The following SLC6A11 variants were observed in gnomAD, a reference collection of about 807,000 sequenced individuals.
The protein encoded by SLC6A11 is sodium- and chloride-dependent GABA transporter 3.
SLC6A11 carries 25 observed loss-of-function variants against 74.8 expected under a neutral mutation model. The observed-to-expected ratio is 0.33, with a 90% CI of 0.24 to 0.47. The LOEUF is 0.47. Among genes scored for constraint, SLC6A11 ranks in the 20% least tolerant of loss-of-function variants. The probability of loss-of-function intolerance (pLI) is 1.00; values close to 1 mark genes in which losing one functional copy is unlikely to be tolerated. For synonymous variants in SLC6A11, 330 were observed against 330.2 expected, an observed-to-expected ratio of 1.00 and a Z score of 0.01; for missense variants, 574 against 837.0, an observed-to-expected ratio of 0.69 and a Z score of 3.88.
intron 4 of SLC6A11, 88 bp from the exon 5 acceptor site, chr3:10,844,126 T>C: frequency 6.6e-7 from 1 of 1,520,478 alleles, no homozygotes; most frequent in Non-Finnish European, 9.0e-7. Context: ...AATGAGCACA[T>C]GGGCCCATCC....
chr3:10,894,520 G>A (rs1335150017), intron 6 of SLC6A11, among the ~76,000 whole-genome samples: 2 of 152,204 alleles, frequency 1.3e-5, no homozygotes, highest in Non-Finnish European at 2.9e-5. Flanking sequence ...ACGAAAGTGA[G>A]CAGCAGCCAG....
At chr3:10,825,180 C>CACAAAAAAAA (rs1694192060) in intron 4 of SLC6A11, 1 of 120,824 alleles carries the variant, frequency 8.3e-6, no homozygotes, top group African/African-American at 2.9e-5. Context: ...GAGACTGTCT[C>CACAAAAAAAA]AAAAAAAAAA....
At chr3:10,858,077 T>C (rs1694659382) in intron 5 of SLC6A11, among the ~76,000 whole-genome samples, 1 of 152,226 alleles carries the variant, frequency 6.6e-6, no homozygotes, top group Non-Finnish European at 1.5e-5. Flanking sequence ...TATGTTATTA[T>C]AGAATCACCA....
At position 10,918,664 on chromosome 3, in the gene SLC6A11, C is replaced by T. The variant is rs531719981; in HGVS notation, c.1120+211C>T. 3.0e-4 allele frequency among the ~76,000 whole-genome samples: 45 copies of T among 151,986 alleles called. No individual in the cohort carries two copies. Among genetic ancestry groups the T allele is most frequent in the South Asian group, 2.1e-4 (1 of 4,796 alleles). On this transcript the variant is annotated intron_variant, in intron 8 of 13. Transcript: ENST00000254488. This position sits in a 1 kb window ranked among gnomAD's most constrained non-coding sequence, Gnocchi z 4.5. The stretch of plus-strand genomic sequence containing the variant: ...CTCCCTCCCAAATCCAAGGCATCCC[C>T]GAGTTTTGTAGATGCTGTTGCCCAC...
In SLC6A11 at chr3:10,921,774, A is replaced by G. The variant is rs2106631193; in HGVS notation, c.1120+3321A>G. Among the ~76,000 whole-genome samples the G allele has an allele frequency of 2.6e-5, 4 of 152,344 alleles. 2 individuals are homozygous for G. Among genetic ancestry groups the G allele is most frequent in the Admixed American group, 2.6e-4 (4 of 15,308 alleles). ...CTTTGAAGACACAGATAAAGTATAA[A>G]AGAATGGGAAAAGATATACCATTCA... On this transcript the variant is annotated intron_variant, in intron 8 of 13. Coordinates refer to ENST00000254488, the MANE Select transcript of SLC6A11 (RefSeq NM_014229.3).
chr3:10,887,547 G>C (rs2106613449), intron 6 of SLC6A11, among the ~76,000 whole-genome samples: 1 of 152,264 alleles, frequency 6.6e-6, no homozygotes, highest in South Asian at 2.1e-4. Context: ...CCGGGTTCAA[G>C]TGATTCTCCT....
intron 4 of SLC6A11, among the ~76,000 whole-genome samples, chr3:10,833,452 C>T (rs1214947803): frequency 6.6e-6 from 1 of 152,152 alleles, no homozygotes; most frequent in African/African-American, 2.4e-5. Context: ...GGCTCCTTGC[C>T]CAGAACACCT....
rs141882374 is a variant in SLC6A11, at chr3:10,936,456, C to T, written c.1746+1257C>T. On this transcript the variant is annotated intron_variant, in intron 13 of 13. Coordinates refer to ENST00000254488, the MANE Select transcript of SLC6A11 (RefSeq NM_014229.3). Reference sequence around the variant, plus strand: ...GAGTTGAACTTGGCCACCCAGGAGGCGATGGGGAGTGGGGGTATGCAGAGC... The same window carrying T: ...GAGTTGAACTTGGCCACCCAGGAGGTGATGGGGAGTGGGGGTATGCAGAGC... Among the ~76,000 whole-genome samples, 11 of 152,288 alleles carry T rather than the reference C, an allele frequency of 7.2e-5. No individual in the cohort carries two copies. In the East Asian group the frequency reaches 1.7e-3, roughly 24 times the overall value.
At chr3:10,924,162 AGAATATGAATAAGCT>A (rs1695571512) in intron 8 of SLC6A11, among the ~76,000 whole-genome samples, 1 of 152,224 alleles carries the variant, frequency 6.6e-6, no homozygotes, top group Admixed American at 6.5e-5. Context: ...AAAAACTGGC[AGAATATGAATAAGCT>A]CTGTGGCGTA....
chr3:10,855,452 A>T (rs1694627771), intron 5 of SLC6A11, among the ~76,000 whole-genome samples: 1 of 152,046 alleles, frequency 6.6e-6, no homozygotes, highest in Non-Finnish European at 1.5e-5. Context: ...GCCTTCCCTG[A>T]CTTCTCCCAC....
At chr3:10,819,638 G>T (rs776697935) in intron 2 of SLC6A11, 39 bp downstream of exon 2, 1 of 1,609,492 alleles carries the variant, frequency 6.2e-7, no homozygotes, top group Admixed American at 1.7e-5. Flanking sequence ...ATTTTGCCCA[G>T]GGAATGTCAA....
At chr3:10,858,703 G>A (rs548673577) in intron 5 of SLC6A11, among the ~76,000 whole-genome samples, 2 of 152,332 alleles carry the variant, frequency 1.3e-5, no homozygotes, top group South Asian at 4.1e-4. Context: ...GGGACTGGAA[G>A]CCCCTCTGTT....
intron 4 of SLC6A11, among the ~76,000 whole-genome samples, chr3:10,842,567 C>T (rs981552962): frequency 2.6e-5 from 4 of 152,228 alleles, no homozygotes; most frequent in Admixed American, 1.3e-4. Flanking sequence ...AATAAAATGA[C>T]AGTTGTTACT....
intron 6 of SLC6A11, among the ~76,000 whole-genome samples, chr3:10,880,808 A>G (rs1559569726): frequency 6.6e-6 from 1 of 152,172 alleles, no homozygotes; most frequent in Non-Finnish European, 1.5e-5. Context: ...ATCTATCACC[A>G]GAGCCCAGCA....
At chr3:10,878,649 G>A (rs1370168735) in intron 6 of SLC6A11, among the ~76,000 whole-genome samples, 1 of 150,328 alleles carries the variant, frequency 6.7e-6, no homozygotes, top group African/African-American at 2.5e-5. Flanking sequence ...TCCTGACCTC[G>A]TGATCCACCC....
chr3:10,860,335 A>G (rs533765117), intron 5 of SLC6A11, among the ~76,000 whole-genome samples: 1 of 152,340 alleles, frequency 6.6e-6, no homozygotes, highest in East Asian at 1.9e-4. Context: ...TGCAGCTGCC[A>G]TGTGGGAGCC....
chr3:10,848,334 G>C (rs578131678), intron 5 of SLC6A11, among the ~76,000 whole-genome samples: 1 of 152,360 alleles, frequency 6.6e-6, no homozygotes. Context: ...CAGAGGTGAA[G>C]TCCAGGAAGC....
Position 10,863,851 on chromosome 3 carries a change from C to T in SLC6A11, c.757-11110C>T, listed in dbSNP as rs140772116. Among the ~76,000 whole-genome samples the T allele has an allele frequency of 1.1e-3, 170 of 152,220 alleles. 1 individual carries two copies. The highest frequency in any genetic ancestry group is 3.9e-3 in the African/African-American group (164 of 41,534). On this transcript the variant is annotated intron_variant, in intron 5 of 13. Transcript: ENST00000254488. ...TGAATGTAGTTGGCTCATAGGGGAA[C>T]TCAAACTCCCGAGGGGTCCGTTCGG...
At chr3:10,875,608 T>G (rs1559567933) in intron 6 of SLC6A11, among the ~76,000 whole-genome samples, 1 of 152,216 alleles carries the variant, frequency 6.6e-6, no homozygotes, top group Non-Finnish European at 1.5e-5. Flanking sequence ...ACTGGGTCTT[T>G]GTTCATGATT....
Sources: gnomAD v4.1 joint callset for allele counts (sites outside exome capture counted in the v4.1 genomes callset) on GRCh38, gnomAD v4.1.1 for gene constraint, Gnocchi (gnomAD v3.1) non-coding constraint, MANE v1.5 for transcripts, NCBI Gene and HGNC (gene_info 2026-07-23, HGNC 2026-07-21) for gene names.